LYST: variants seen among roughly 807,000 people sequenced by gnomAD.
The protein encoded by LYST is lysosomal-trafficking regulator.
In LYST, 192 loss-of-function variants were observed where a neutral mutation model predicts 413.6. The observed-to-expected ratio is 0.46, with a 90% CI of 0.41 to 0.52. The LOEUF (loss-of-function observed/expected upper bound fraction) is 0.52, where lower values mean the gene tolerates loss of function less well. Among genes scored for constraint, LYST ranks in the 20% least tolerant of loss-of-function variants. The pLI is 0.00. For missense variants in LYST, 3,815 were observed against 4,499.9 expected (o/e 0.85, Z 4.35); for synonymous variants, 1,525 against 1,567.3 (o/e 0.97, Z 0.64).
At chr1:235,789,551 T>C (rs771746684) in intron 12 of LYST, among the ~76,000 whole-genome samples, 2 of 151,866 alleles carry the variant, frequency 1.3e-5, no homozygotes, top group Non-Finnish European at 2.9e-5. Context: ...TATGTTATGA[T>C]ATATCAAAAT....
At chr1:235,801,423 C>CCG (rs1553303209) in intron 8 of LYST, among the ~76,000 whole-genome samples, 3 of 151,484 alleles carry the variant, frequency 2.0e-5, no homozygotes, top group African/African-American at 7.3e-5. Flanking sequence ...TGACCCCCCC[C>CCG]TCAAATACCT....
chr1:235,792,536 C>T (rs1298721522), intron 11 of LYST, among the ~76,000 whole-genome samples: 4 of 151,812 alleles, frequency 2.6e-5, no homozygotes, highest in Non-Finnish European at 5.9e-5. Context: ...GCTAGTCTTG[C>T]ACTCCTGACC....
At chr1:235,827,070 T>C (rs928945788) in intron 3 of LYST, among the ~76,000 whole-genome samples, 2 of 152,124 alleles carry the variant, frequency 1.3e-5, no homozygotes, top group African/African-American at 4.8e-5. Context: ...TTATATTAAA[T>C]GTCTATTAAT....
chr1:235,677,276 C>T, intron 49 of LYST, 88 bp from the exon 50 acceptor site: 1 of 1,157,432 alleles, frequency 8.6e-7, no homozygotes, highest in Non-Finnish European at 1.3e-6. Context: ...AGTCTATGTA[C>T]CTATTGTACA....
intron 39 of LYST, among the ~76,000 whole-genome samples, chr1:235,723,182 T>G (rs1270811126): frequency 1.3e-5 from 2 of 152,094 alleles, no homozygotes; most frequent in African/African-American, 4.8e-5. Context: ...TAGAGAAAAC[T>G]GGAAGGAAAT....
Position 235,864,813 on chromosome 1 carries a change from C to T in LYST, c.-98+2030G>A, listed in dbSNP as rs564415734. ...GGTGGGTGATGTGTGCCTGAAGTCC[C>T]AATTACTTCAGAGGCTGAGGTGAGA... On this transcript the variant is annotated intron_variant, in intron 1 of 52. Transcript: ENST00000389793. Among the ~76,000 whole-genome samples, 8 of 152,216 alleles carry T rather than the reference C, an allele frequency of 5.3e-5. No homozygotes were observed. The South Asian group carries it at 1.0e-3, about 20-fold the overall frequency.
chr1:235,805,621 A>G, intron 6 of LYST, 122 bp downstream of exon 6: 1 of 337,522 alleles, frequency 3.0e-6, no homozygotes, highest in East Asian at 6.9e-5. Flanking sequence ...GTTATATATA[A>G]CACAATAATA....
intron 3 of LYST, chr1:235,827,908 G>GA (rs1675514359): frequency 3.4e-6 from 2 of 589,376 alleles, no homozygotes; most frequent in African/African-American, 4.0e-5. Flanking sequence ...AATACATAAA[G>GA]AACTGCTACA....
At chr1:235,760,283 A>T (rs1350214723) in intron 22 of LYST, among the ~76,000 whole-genome samples, 1 of 152,208 alleles carries the variant, frequency 6.6e-6, no homozygotes, top group Non-Finnish European at 1.5e-5. Flanking sequence ...GATTGAGATT[A>T]TATTTGTGAT....
intron 1 of LYST, among the ~76,000 whole-genome samples, chr1:235,844,062 A>G (rs1055761307): frequency 1.3e-5 from 2 of 152,208 alleles, no homozygotes; most frequent in Non-Finnish European, 2.9e-5. Context: ...ACAGAATAAT[A>G]AGTGCCCAAT....
At chr1:235,827,391 A>G in intron 3 of LYST, 2 of 969,886 alleles carry the variant, frequency 2.1e-6, no homozygotes, top group Non-Finnish European at 1.2e-6. Flanking sequence ...ATAAATATTA[A>G]TAAAGCAAAC....
intron 11 of LYST, among the ~76,000 whole-genome samples, chr1:235,793,028 C>T (rs1248574047): frequency 6.6e-6 from 1 of 152,216 alleles, no homozygotes; most frequent in East Asian, 1.9e-4. Context: ...GTCTTATTTG[C>T]TTATGCTTCT....
chr1:235,870,354 C>T (rs1680873036), upstream of LYST, among the ~76,000 whole-genome samples: 1 of 152,162 alleles, frequency 6.6e-6, no homozygotes, highest in Non-Finnish European at 1.5e-5. Flanking sequence ...TCAAATGTAG[C>T]CAACTGTTTG....
chr1:235,806,495 C>A lies in LYST; in HGVS notation c.2641G>T (p.Ala881Ser), dbSNP rs147554343. The change falls in exon 6 of 53, where the codon GCT (alanine) becomes TCT (serine). Residue 881 changes from alanine (A) to serine (S), a missense_variant. Transcript: ENST00000389793. The stretch of plus-strand genomic sequence containing the variant: ...ACAGTCTTCCGTCTCTTTGGATAAG[C>A]TTCTTTGAGGCCAGCATAAAATTTG... ...LSKFYAGLKE[A>S]YPKRRKTVNQ... The A allele has an allele frequency of 1.2e-6, 2 of 1,614,052 alleles. No individual in the cohort carries two copies. Among genetic ancestry groups the A allele is most frequent in the South Asian group, 2.2e-5 (2 of 91,080 alleles).
At chr1:235,880,689 T>C (rs933950925) in intron 1 of LYST, among the ~76,000 whole-genome samples, 3 of 152,230 alleles carry the variant, frequency 2.0e-5, no homozygotes, top group African/African-American at 4.8e-5. Context: ...TATGGAAAAC[T>C]GTCTCCTCAA....
In LYST at chr1:235,757,372, A is replaced by G; in HGVS notation, c.6968T>C (p.Leu2323Pro). 1 of 1,613,742 alleles carries G rather than the reference A, an allele frequency of 6.2e-7. No homozygotes were observed. Among genetic ancestry groups the G allele is most frequent in the Non-Finnish European group, 8.5e-7 (1 of 1,179,782 alleles). The part of the protein sequence containing the change: ...GVLLILPDVL[L>P]EDVMDKLIQA... ...AATAAGCTTGTCCATCACATCTTCA[A>G]GCAAAACATCAGGCAGGATAAGAAG... is the stretch of plus-strand genomic sequence containing the variant. Residue 2323 changes from leucine to proline, a missense_variant, in exon 24 of 53, where the codon CTT becomes CCT. Around this residue, in one of 4 missense-constraint regions of LYST, gnomAD observed 771 missense variants for 837.1 expected, o/e 0.92. Coordinates refer to ENST00000389793, the MANE Select transcript of LYST (RefSeq NM_000081.4).
intron 50 of LYST, among the ~76,000 whole-genome samples, chr1:235,669,621 T>C (rs985170433): frequency 3.3e-5 from 5 of 152,190 alleles, no homozygotes; most frequent in East Asian, 1.9e-4. Flanking sequence ...ATCAGACTGA[T>C]TGTGGGATAC....
intron 10 of LYST, among the ~76,000 whole-genome samples, chr1:235,796,915 A>T (rs1259720778): frequency 6.6e-5 from 10 of 152,224 alleles, no homozygotes; most frequent in Non-Finnish European, 1.3e-4. Context: ...TACAAATCAA[A>T]ACCACAATGA....
At chr1:235,830,153 TA>T in intron 3 of LYST, 72 bp downstream of exon 3, 1 of 1,177,774 alleles carries the variant, frequency 8.5e-7, no homozygotes, top group Non-Finnish European at 1.3e-6. Flanking sequence ...AGAAACTATG[TA>T]ATCCAAAACC....
Sources: allele counts gnomAD v4.1 joint callset (sites outside exome capture counted in the v4.1 genomes callset), GRCh38; gene constraint gnomAD v4.1.1; regional missense constraint gnomAD v4.1.1; transcripts MANE v1.5; gene names NCBI Gene and HGNC (gene_info 2026-07-23, HGNC 2026-07-21).